The following KCNQ3 variants were observed in gnomAD, a reference collection of about 807,000 sequenced individuals.
KCNQ3 encodes the protein potassium voltage-gated channel subfamily KQT member 3.
KCNQ3 carries 30 observed loss-of-function variants against 92.5 expected under a neutral mutation model. The observed-to-expected ratio is 0.32, with a 90% CI of 0.24 to 0.44. The LOEUF is 0.44. Among genes scored for constraint, KCNQ3 ranks in the 20% least tolerant of loss-of-function variants. The pLI is 1.00. For missense variants in KCNQ3, 913 were observed against 1,140.3 expected (o/e 0.80, Z 2.87); for synonymous variants, 450 against 468.8 (o/e 0.96, Z 0.52).
intron 1 of KCNQ3, among the ~76,000 whole-genome samples, chr8:132,186,727 A>T (rs887350983): frequency 6.6e-6 from 1 of 152,116 alleles, no homozygotes; most frequent in Non-Finnish European, 1.5e-5. Context: ...ACCTCTTTCA[A>T]TTGGGGATCT....
chr8:132,464,608 G>A (rs1352699102), intron 1 of KCNQ3, among the ~76,000 whole-genome samples: 1 of 152,158 alleles, frequency 6.6e-6, no homozygotes, highest in East Asian at 1.9e-4. Context: ...GTCGGACCTT[G>A]GATTCTTCAT....
At chr8:132,312,258 C>T (rs1466666732) in intron 1 of KCNQ3, among the ~76,000 whole-genome samples, 1 of 152,356 alleles carries the variant, frequency 6.6e-6, no homozygotes, top group South Asian at 2.1e-4. Flanking sequence ...TGTCCCTCTA[C>T]TGCACTGGCA....
chr8:132,478,616 A>G (rs1467199010), intron 1 of KCNQ3, among the ~76,000 whole-genome samples: 1 of 145,418 alleles, frequency 6.9e-6, no homozygotes, highest in Non-Finnish European at 1.5e-5. Context: ...ACCCCGACCA[A>G]CACCTGCAAA....
intron 1 of KCNQ3, among the ~76,000 whole-genome samples, chr8:132,197,957 C>T (rs1375741341): frequency 2.0e-5 from 3 of 152,188 alleles, no homozygotes; most frequent in East Asian, 1.9e-4. Context: ...TCTAAAATGG[C>T]TCTCAGTGAT....
At chr8:132,258,474 C>T (rs1222047779) in intron 1 of KCNQ3, among the ~76,000 whole-genome samples, 1 of 151,746 alleles carries the variant, frequency 6.6e-6, no homozygotes, top group Non-Finnish European at 1.5e-5. Flanking sequence ...AAAACAAAAG[C>T]ACAACATATC....
intron 1 of KCNQ3, among the ~76,000 whole-genome samples, chr8:132,374,893 T>C (rs933807895): frequency 3.9e-5 from 6 of 152,222 alleles, no homozygotes; most frequent in African/African-American, 1.4e-4. Context: ...TTCCATCGTG[T>C]ATATGTACCA....
At chr8:132,435,358 C>T (rs1033208264) in intron 1 of KCNQ3, among the ~76,000 whole-genome samples, 4 of 152,160 alleles carry the variant, frequency 2.6e-5, no homozygotes, top group African/African-American at 4.8e-5. Flanking sequence ...TCAGAGCCAC[C>T]GTGCCAGCCG....
chr8:132,453,389 AAGTC>A (rs1821866185), intron 1 of KCNQ3, among the ~76,000 whole-genome samples: 1 of 152,146 alleles, frequency 6.6e-6, no homozygotes, highest in African/African-American at 2.4e-5. Flanking sequence ...GACAGAAGAG[AAGTC>A]AGGACATTGC....
chr8:132,186,931 T>TGAGA (rs1420781543), intron 1 of KCNQ3, among the ~76,000 whole-genome samples: 19 of 110,280 alleles, frequency 1.7e-4, no homozygotes, highest in African/African-American at 5.8e-4. Context: ...TGTGTGTGTG[T>TGAGA]GTGAGAGAGA....
At chr8:132,258,878 GT>G (rs1815681897) in intron 1 of KCNQ3, among the ~76,000 whole-genome samples, 1 of 152,024 alleles carries the variant, frequency 6.6e-6, no homozygotes. Flanking sequence ...ATGAATAATT[GT>G]ATGTCAAAAA....
intron 1 of KCNQ3, among the ~76,000 whole-genome samples, chr8:132,338,772 A>G (rs1046203200): frequency 6.6e-6 from 1 of 152,232 alleles, no homozygotes; most frequent in Non-Finnish European, 1.5e-5. Flanking sequence ...TCTGGCAGAA[A>G]ATAGGCAGGA....
intron 1 of KCNQ3, among the ~76,000 whole-genome samples, chr8:132,408,477 C>T (rs1820557986): frequency 6.6e-6 from 1 of 152,180 alleles, no homozygotes; most frequent in Non-Finnish European, 1.5e-5. Context: ...AACATGGGCC[C>T]TGCTACGCTA....
At position 132,129,757 on chromosome 8, in the gene KCNQ3, G is replaced by A; in HGVS notation, c.2124C>T (p.Ser708=). Residue 708 remains serine (S), a synonymous_variant, in exon 15 of 15, where the codon AGC becomes AGT. Transcript: ENST00000388996. The surrounding 1 kb of genome is among the most constrained non-coding windows in gnomAD (Gnocchi z 5.9). ...GGTCATGTGCAAAAAACCCATAGGG[G>A]CTGACTTTGTCAATGGTCACCTGGT... ...SFHQVTIDKV[S]PYGFFAHDPV... is the part of the protein sequence containing the mutation. The A allele has an allele frequency of 6.2e-7, 1 of 1,614,168 alleles. No homozygotes were observed. The highest frequency in any genetic ancestry group is 8.5e-7 in the Non-Finnish European group (1 of 1,180,036).
intron 9 of KCNQ3, among the ~76,000 whole-genome samples, chr8:132,157,575 G>T (rs1414045128): frequency 2.6e-5 from 4 of 152,124 alleles, no homozygotes; most frequent in Admixed American, 2.0e-4. Flanking sequence ...CTGTTTCCAA[G>T]GACACACTTG....
intron 1 of KCNQ3, among the ~76,000 whole-genome samples, chr8:132,322,450 GC>G (rs983274527): frequency 6.6e-6 from 1 of 152,152 alleles, no homozygotes; most frequent in Non-Finnish European, 1.5e-5. Flanking sequence ...ACATGGAGAA[GC>G]CCATCTCCTC....
At chr8:132,434,894 G>T (rs554471191) in intron 1 of KCNQ3, among the ~76,000 whole-genome samples, 1 of 152,226 alleles carries the variant, frequency 6.6e-6, no homozygotes, top group Admixed American at 6.5e-5. Context: ...TTAAAGGCTA[G>T]GTAGGGGTCA....
chr8:132,179,919 G>A (rs1189966964), intron 4 of KCNQ3, among the ~76,000 whole-genome samples: 1 of 152,212 alleles, frequency 6.6e-6, no homozygotes, highest in South Asian at 2.1e-4. Context: ...ATTTGCATAT[G>A]GTGGAGCCAA....
rs75870584 is a variant in KCNQ3, at chr8:132,175,325, T to A, written c.933+128A>T. 140,188 of 1,019,688 alleles carry A rather than the reference T, an allele frequency of 0.14. 11,037 individuals are homozygous for A. The highest frequency in any genetic ancestry group is 0.24 in the African/African-American group (15,412 of 63,702). The allele number at this position is 1,019,688 out of a possible 1,614,324, so 63.2% of individuals were successfully genotyped here. On this transcript the variant is annotated intron_variant, in intron 5 of 14. Coordinates refer to ENST00000388996, the MANE Select transcript of KCNQ3 (RefSeq NM_004519.4). The stretch of plus-strand genomic sequence containing the variant: ...CTGTCAGCAGGTTCTGAGCTGAAAT[T>A]GGTCTAGAGCTTACCTCTGACTGCA...
intron 1 of KCNQ3, among the ~76,000 whole-genome samples, chr8:132,345,379 CGTACTCAAGCAACTGGTAGGTA>C (rs1818656901): frequency 6.6e-6 from 1 of 152,162 alleles, no homozygotes. Flanking sequence ...GGTCCAGGAA[CGTACTCAAGCAACTGGTAGGTA>C]GTGAGAGCCT....
Sources: gnomAD v4.1 joint callset for allele counts (sites outside exome capture counted in the v4.1 genomes callset) on GRCh38, gnomAD v4.1.1 for gene constraint, Gnocchi (gnomAD v3.1) non-coding constraint, MANE v1.5 for transcripts, NCBI Gene and HGNC (gene_info 2026-07-23, HGNC 2026-07-21) for gene names.